FAAH2: variants seen among roughly 807,000 people sequenced by gnomAD.
The protein encoded by FAAH2 is fatty acid amide hydrolase 2.
In FAAH2, 60 loss-of-function variants were observed where a neutral mutation model predicts 36.9. The ratio of observed to expected loss-of-function variants is 1.63; its 90% CI spans 1.32 to 2.02. FAAH2 has a LOEUF of 2.02. Among genes scored for constraint, FAAH2 ranks in the 30% most tolerant of loss-of-function variants. The probability of loss-of-function intolerance (pLI) is 0.00; values close to 1 mark genes in which losing one functional copy is unlikely to be tolerated. For synonymous variants in FAAH2, 214 were observed against 143.8 expected (o/e 1.49, Z -3.49); for missense variants, 689 against 397.5 (o/e 1.73, Z -6.23).
In FAAH2 at chrX:57,341,165, T is replaced by C. The variant is rs983875741; in HGVS notation, c.623-106T>C. ...TATGCTGTGAACAAAAGACTCACTT[T>C]GGATCTAAAGACACAAAAAGGTTGA... On this transcript the variant is annotated intron_variant, in intron 4 of 10. Coordinates refer to ENST00000374900, the MANE Select transcript of FAAH2 (RefSeq NM_174912.4). The C allele has an allele frequency of 8.7e-5, 70 of 807,469 alleles. No individual in the cohort carries two copies. The Middle Eastern group carries it at 2.5e-3, about 29-fold the overall frequency. The allele number at this position is 807,469 out of a possible 1,213,427, so 66.5% of individuals were successfully genotyped here.
chrX:57,186,504 C>T, the FAAH2 span, among the ~76,000 whole-genome samples: 42 of 111,841 alleles, frequency 3.8e-4, no homozygotes, highest in Non-Finnish European at 6.0e-4. Flanking sequence ...TTCTCCTATT[C>T]CATGTGTTGC....
chrX:57,266,466 C>G, the FAAH2 span, among the ~76,000 whole-genome samples: 2 of 112,688 alleles, frequency 1.8e-5, no homozygotes, highest in African/African-American at 6.4e-5. Context: ...TCTGCCAGAG[C>G]TGTCAAGCCT....
At chrX:57,179,114 A>G in the FAAH2 span, among the ~76,000 whole-genome samples, 13 of 111,723 alleles carry the variant, frequency 1.2e-4, no homozygotes, top group African/African-American at 4.2e-4. Context: ...AAGAGCTCCT[A>G]AAAGAAGGAG....
intron 7 of FAAH2, among the ~76,000 whole-genome samples, chrX:57,406,125 T>C (rs1244685636): frequency 9.0e-6 from 1 of 111,580 alleles, no homozygotes; most frequent in African/African-American, 3.3e-5. Context: ...CCTCAGTGGT[T>C]TGACTGTAAT....
At chrX:57,371,042 A>G (rs1487871373) in intron 5 of FAAH2, among the ~76,000 whole-genome samples, 1 of 112,278 alleles carries the variant, frequency 8.9e-6, no homozygotes. Context: ...TTACTCCAGG[A>G]TACATCATAT....
chrX:57,288,373 G>A (rs1260151245), intron 1 of FAAH2, among the ~76,000 whole-genome samples: 1 of 70,043 alleles, frequency 1.4e-5, no homozygotes, highest in Non-Finnish European at 2.3e-5. Context: ...TTTTTGAGAC[G>A]GAGTCTCGCT....
the FAAH2 span, chrX:57,137,213 G>A: frequency 3.9e-6 from 3 of 759,922 alleles, no homozygotes; most frequent in Non-Finnish European, 4.7e-6. Flanking sequence ...GCCCTGCCTG[G>A]CGTCCACCGC....
chrX:57,264,123 AAAAT>A, the FAAH2 span, among the ~76,000 whole-genome samples: 19 of 112,215 alleles, frequency 1.7e-4, no homozygotes, highest in Non-Finnish European at 3.4e-4. Flanking sequence ...ATTTCAGAAA[AAAAT>A]AGGAGAAAAT....
intron 2 of FAAH2, among the ~76,000 whole-genome samples, chrX:57,302,064 T>C (rs1279318046): frequency 1.8e-5 from 2 of 111,929 alleles, no homozygotes; most frequent in Admixed American, 9.5e-5. Flanking sequence ...CTGAAGCATC[T>C]ATTGTCATGC....
intron 3 of FAAH2, among the ~76,000 whole-genome samples, chrX:57,328,153 G>A (rs2053276757): frequency 8.9e-6 from 1 of 111,900 alleles, no homozygotes; most frequent in South Asian, 3.8e-4. Context: ...GCAAAACAGC[G>A]AATATTGGTG....
the FAAH2 span, among the ~76,000 whole-genome samples, chrX:57,211,237 C>T: frequency 1.8e-5 from 2 of 111,851 alleles, no homozygotes; most frequent in African/African-American, 3.3e-5. Context: ...AAGAGTAATT[C>T]GGGTCTCACT....
intron 5 of FAAH2, among the ~76,000 whole-genome samples, chrX:57,365,283 C>G (rs1432162993): frequency 1.8e-5 from 2 of 111,825 alleles, no homozygotes; most frequent in Non-Finnish European, 3.8e-5. Flanking sequence ...ATTTGCTTGT[C>G]TGAAAAAGAT....
chrX:57,411,665 T>C (rs1251113531), intron 7 of FAAH2, among the ~76,000 whole-genome samples: 7 of 111,840 alleles, frequency 6.3e-5, no homozygotes, highest in Admixed American at 5.7e-4. Flanking sequence ...GAAGGTCATC[T>C]CCTGGGCAGT....
intron 5 of FAAH2, among the ~76,000 whole-genome samples, chrX:57,371,519 A>C (rs954936550): frequency 1.8e-5 from 2 of 110,291 alleles, no homozygotes; most frequent in Non-Finnish European, 3.8e-5. Flanking sequence ...TGTCTTTCCT[A>C]TTATGAATAG....
At chrX:57,467,399 C>T (rs756967320) in intron 10 of FAAH2, among the ~76,000 whole-genome samples, 1 of 111,697 alleles carries the variant, frequency 9.0e-6, no homozygotes, top group Non-Finnish European at 1.9e-5. Context: ...GTCACTCCCA[C>T]CATAATACTG....
At chrX:57,378,393 AC>A (rs1207681228) in intron 5 of FAAH2, among the ~76,000 whole-genome samples, 1 of 110,797 alleles carries the variant, frequency 9.0e-6, no homozygotes, top group Non-Finnish European at 1.9e-5. Context: ...ATAAGTAGGG[AC>A]CCTGTTTCCA....
chrX:57,283,231 T>G (rs1445072540), upstream of FAAH2, among the ~76,000 whole-genome samples: 1 of 109,790 alleles, frequency 9.1e-6, no homozygotes, highest in Non-Finnish European at 1.9e-5. Flanking sequence ...GCAAGGGCAC[T>G]ACCATTGCAG....
chrX:57,412,381 C>A (rs926931052), intron 7 of FAAH2, among the ~76,000 whole-genome samples: 1 of 110,873 alleles, frequency 9.0e-6, no homozygotes, highest in East Asian at 2.9e-4. Context: ...TAGCACCCCA[C>A]CCTATGACAG....
the FAAH2 span, among the ~76,000 whole-genome samples, chrX:57,199,125 A>T: frequency 4.6e-5 from 5 of 109,499 alleles, no homozygotes; most frequent in Non-Finnish European, 7.6e-5. Flanking sequence ...CCTCTTGTTC[A>T]CTATTTTTCC....
Sources: allele counts gnomAD v4.1 joint callset (sites outside exome capture counted in the v4.1 genomes callset), GRCh38; gene constraint gnomAD v4.1.1; transcripts MANE v1.5; gene names NCBI Gene and HGNC (gene_info 2026-07-23, HGNC 2026-07-21).